The following BAZ1B variants were observed in gnomAD, a reference collection of about 807,000 sequenced individuals.
The protein encoded by BAZ1B is tyrosine-protein kinase BAZ1B.
A neutral mutation model predicts 153.8 loss-of-function variants in BAZ1B; 22 were observed. That is an observed-to-expected ratio of 0.14 (90% CI 0.10 to 0.20). The LOEUF (loss-of-function observed/expected upper bound fraction) is 0.20. Ranked by LOEUF, BAZ1B falls within the 10% of genes least tolerant of loss-of-function variation. The pLI, the probability that BAZ1B is intolerant of heterozygous loss-of-function variation, is 1.00. For missense variants in BAZ1B, 1,325 were observed against 1,799.3 expected, an observed-to-expected ratio of 0.74 and a Z score of 4.77; for synonymous variants, 676 against 633.4, an observed-to-expected ratio of 1.07 and a Z score of -1.01.
In BAZ1B at chr7:73,515,018, G is replaced by A. The variant is rs566916844; in HGVS notation, c.108-4166C>T. Among the ~76,000 whole-genome samples, 163 of 152,062 alleles carry A rather than the reference G, an allele frequency of 1.1e-3. 10 individuals are homozygous for A. The highest frequency in any genetic ancestry group is 8.3e-4 in the South Asian group (4 of 4,826). On this transcript the variant is annotated intron_variant, in intron 1 of 19. Transcript: ENST00000339594. ...ATGAGGAAGGCGGAGGTTGCAGTGA[G>A]CCAAGATCACACCGCTGTACTCCAC... is the stretch of plus-strand genomic sequence containing the variant.
chr7:73,471,708 C>A (rs1788809705), intron 7 of BAZ1B, among the ~76,000 whole-genome samples: 1 of 152,042 alleles, frequency 6.6e-6, no homozygotes, highest in Non-Finnish European at 1.5e-5. Context: ...AGATGTAAAT[C>A]TGGAAAATGC....
chr7:73,463,668 T>C (rs1788472813), intron 11 of BAZ1B, among the ~76,000 whole-genome samples: 1 of 152,124 alleles, frequency 6.6e-6, no homozygotes, highest in Non-Finnish European at 1.5e-5. Flanking sequence ...TAGAACTATA[T>C]TTCTTTGTGG....
At chr7:73,453,496 G>C (rs1788087270) in intron 13 of BAZ1B, among the ~76,000 whole-genome samples, 2 of 152,208 alleles carry the variant, frequency 1.3e-5, no homozygotes, top group Admixed American at 1.3e-4. Flanking sequence ...AAATGGAAAG[G>C]ACAGACGTGA....
chr7:73,502,208 C>T (rs1455900856), intron 3 of BAZ1B, among the ~76,000 whole-genome samples: 2 of 151,938 alleles, frequency 1.3e-5, no homozygotes, highest in African/African-American at 4.8e-5. Context: ...ATGCTAAACA[C>T]ACAGAAACAA....
intron 13 of BAZ1B, among the ~76,000 whole-genome samples, chr7:73,455,865 G>C (rs543558774): frequency 6.6e-6 from 1 of 152,300 alleles, no homozygotes; most frequent in East Asian, 1.9e-4. Flanking sequence ...CAGATGTTTA[G>C]AATATACTGG....
Position 73,477,085 on chromosome 7 carries a change from T to C in BAZ1B, c.2376A>G (p.Arg792=), listed in dbSNP as rs782277276. ...TTTCTTTCCGTTTCTGTTTCTCTGC[T>C]CTCTTCTTATCATTTTCTTCCTTCA... The part of the protein sequence containing the change: ...AVLKEENDKK[R]AEKQKRKEME... Residue 792 remains arginine, a synonymous_variant, in exon 7 of 20, where the codon AGA becomes AGG. Transcript: ENST00000339594. The surrounding 1 kb of genome is among the most constrained non-coding windows in gnomAD (Gnocchi z 5.6). 6.2e-6 allele frequency: 10 copies of C among 1,614,182 alleles called. No individual in the cohort carries two copies. Among genetic ancestry groups the C allele is most frequent in the Non-Finnish European group, 8.5e-6 (10 of 1,180,024 alleles).
intron 6 of BAZ1B, among the ~76,000 whole-genome samples, chr7:73,485,120 G>C (rs1301315217): frequency 2.0e-5 from 3 of 151,960 alleles, no homozygotes; most frequent in Non-Finnish European, 4.4e-5. Context: ...GTTTTGTAGA[G>C]ATGGAATCTC....
intron 6 of BAZ1B, among the ~76,000 whole-genome samples, chr7:73,488,284 G>T (rs1182871318): frequency 1.3e-5 from 2 of 152,110 alleles, no homozygotes; most frequent in Non-Finnish European, 2.9e-5. Context: ...AAGAAAATCA[G>T]AAATCCTAGG....
intron 3 of BAZ1B, among the ~76,000 whole-genome samples, chr7:73,508,088 T>C (rs1033125302): frequency 6.6e-6 from 1 of 151,982 alleles, no homozygotes; most frequent in Admixed American, 6.6e-5. Flanking sequence ...CACGGGAGAA[T>C]GAGGTTGCAG....
At chr7:73,463,811 A>G (rs1298770957) in intron 11 of BAZ1B, among the ~76,000 whole-genome samples, 2 of 151,786 alleles carry the variant, frequency 1.3e-5, no homozygotes, top group Non-Finnish European at 2.9e-5. Flanking sequence ...GGGTTCAAGC[A>G]ATTCTCCTGC....
chr7:73,445,950 G>A (rs1787818415), intron 16 of BAZ1B, among the ~76,000 whole-genome samples: 1 of 152,200 alleles, frequency 6.6e-6, no homozygotes, highest in Non-Finnish European at 1.5e-5. Context: ...CTGAATGCAG[G>A]ACTGATGGGC....
intron 7 of BAZ1B, among the ~76,000 whole-genome samples, chr7:73,475,839 G>C (rs531583486): frequency 6.7e-6 from 1 of 150,258 alleles, no homozygotes; most frequent in South Asian, 2.1e-4. Flanking sequence ...CAGGAGAATC[G>C]CTTGAATCCA....
At chr7:73,463,771 G>A (rs560893093) in intron 11 of BAZ1B, among the ~76,000 whole-genome samples, 98 of 151,898 alleles carry the variant, frequency 6.5e-4, no homozygotes, top group Non-Finnish European at 1.1e-3. Context: ...GCAGTGGTGC[G>A]ATCTTGGCTC....
At chr7:73,489,420 C>T (rs781962653) in intron 5 of BAZ1B, 29 bp from the exon 6 acceptor site, 2 of 1,611,570 alleles carry the variant, frequency 1.2e-6, no homozygotes, top group Non-Finnish European at 1.7e-6. Flanking sequence ...AATAACTCAC[C>T]ACTGGGGTAA....
At chr7:73,443,771 ACAG>A (rs1411834678) in intron 17 of BAZ1B, among the ~76,000 whole-genome samples, 9 of 152,170 alleles carry the variant, frequency 5.9e-5, no homozygotes, top group African/African-American at 2.2e-4. Context: ...TTTGCAGGCT[ACAG>A]CAGGGGAATG....
At chr7:73,511,292 G>GA (rs1453208033) in intron 1 of BAZ1B, among the ~76,000 whole-genome samples, 4 of 151,604 alleles carry the variant, frequency 2.6e-5, no homozygotes, top group South Asian at 2.1e-4. Context: ...AAAAAAAAAT[G>GA]AAAAAAATGG....
intron 6 of BAZ1B, among the ~76,000 whole-genome samples, chr7:73,478,869 C>T (rs1403156347): frequency 6.6e-6 from 1 of 152,096 alleles, no homozygotes; most frequent in Non-Finnish European, 1.5e-5. Context: ...TGAACCCCTC[C>T]AGCAGAAATA....
intron 5 of BAZ1B, among the ~76,000 whole-genome samples, 154 bp from the exon 6 acceptor site, chr7:73,489,545 T>C (rs1375282753): frequency 1.3e-5 from 2 of 152,188 alleles, no homozygotes; most frequent in African/African-American, 4.8e-5. Context: ...CCAGGGATGG[T>C]TTCTTACACT....
intron 1 of BAZ1B, among the ~76,000 whole-genome samples, 192 bp downstream of exon 1, chr7:73,521,635 G>A (rs1306787036): frequency 1.7e-4 from 26 of 151,632 alleles, no homozygotes; most frequent in African/African-American, 5.8e-4. Flanking sequence ...GGGCCGGTGC[G>A]CGCCCCCCGC....
Sources: gnomAD v4.1 joint callset for allele counts (sites outside exome capture counted in the v4.1 genomes callset) on GRCh38, gnomAD v4.1.1 for gene constraint, Gnocchi (gnomAD v3.1) non-coding constraint, MANE v1.5 for transcripts, NCBI Gene and HGNC (gene_info 2026-07-23, HGNC 2026-07-21) for gene names.